DAPK1: variants seen among roughly 807,000 people sequenced by gnomAD.
DAPK1 encodes the protein death associated protein kinase 1.
Under a neutral mutation model 144.9 loss-of-function variants are expected in DAPK1, and 56 were observed. The ratio of observed to expected loss-of-function variants is 0.39; its 90% confidence interval spans 0.31 to 0.48. The LOEUF (loss-of-function observed/expected upper bound fraction) is 0.48, where lower values mean the gene tolerates loss of function less well. Ranked by LOEUF, DAPK1 falls within the 20% of genes least tolerant of loss-of-function variation. The pLI is 0.95. For missense variants in DAPK1, 1,454 were observed against 1,875.4 expected, an observed-to-expected ratio of 0.78 and a Z score of 4.15; for synonymous variants, 690 against 749.0, an observed-to-expected ratio of 0.92 and a Z score of 1.29.
chr9:87,692,362 A>G (rs758823889), intron 21 of DAPK1, among the ~76,000 whole-genome samples: 5 of 151,686 alleles, frequency 3.3e-5, no homozygotes, highest in Non-Finnish European at 7.4e-5. Context: ...ATCTATATGT[A>G]TCTTTATAGA....
chr9:87,552,097 C>T (rs1826512799), intron 2 of DAPK1, among the ~76,000 whole-genome samples: 1 of 152,078 alleles, frequency 6.6e-6, no homozygotes, highest in Non-Finnish European at 1.5e-5. Flanking sequence ...GTGTTGGAAA[C>T]ATGAGACTGT....
intron 2 of DAPK1, among the ~76,000 whole-genome samples, chr9:87,580,625 A>G (rs1336642774): frequency 6.6e-6 from 1 of 152,178 alleles, no homozygotes; most frequent in Non-Finnish European, 1.5e-5. Context: ...CACTTATTGT[A>G]TACAAGATTA....
At chr9:87,575,249 AATAAAATAAAATAAAATAAAAT>A (rs1237572205) in intron 2 of DAPK1, among the ~76,000 whole-genome samples, 27 of 78,058 alleles carry the variant, frequency 3.5e-4, no homozygotes, top group African/African-American at 1.4e-3. Context: ...AATAAAATAA[AATAAAATAAAATAAAATAAAAT>A]AAAGGTAAAA....
intron 3 of DAPK1, among the ~76,000 whole-genome samples, chr9:87,607,050 T>C (rs4878106): frequency 0.54 from 81,972 of 151,236 alleles, 25,143 homozygotes; most frequent in African/African-American, 0.83. Flanking sequence ...CTGCTTCCCC[T>C]GTACCCTCCC....
intron 2 of DAPK1, among the ~76,000 whole-genome samples, chr9:87,602,153 T>C (rs1347109476): frequency 6.6e-6 from 1 of 152,098 alleles, no homozygotes; most frequent in East Asian, 1.9e-4. Flanking sequence ...CAGGGAAGAA[T>C]AGGGAACGGT....
At chr9:87,509,803 C>A (rs1824763003) in intron 2 of DAPK1, among the ~76,000 whole-genome samples, 1 of 152,198 alleles carries the variant, frequency 6.6e-6, no homozygotes. Context: ...GATTTCATTC[C>A]TGGGAGCTCT....
intron 13 of DAPK1, among the ~76,000 whole-genome samples, chr9:87,646,913 C>T (rs1322083316): frequency 4.6e-5 from 7 of 152,210 alleles, no homozygotes; most frequent in African/African-American, 1.2e-4. Flanking sequence ...CTTCTGCAGA[C>T]GTCAGCAGAG....
chr9:87,510,111 A>T (rs1203334066), intron 2 of DAPK1, among the ~76,000 whole-genome samples: 2 of 152,170 alleles, frequency 1.3e-5, no homozygotes, highest in Non-Finnish European at 2.9e-5. Context: ...GAATTAGCAC[A>T]AGTGGAATAT....
intron 2 of DAPK1, among the ~76,000 whole-genome samples, chr9:87,597,921 C>T (rs1365573595): frequency 1.3e-4 from 20 of 152,192 alleles, no homozygotes; most frequent in Admixed American, 1.2e-3. Context: ...CCTAGGAGGC[C>T]AGCTTGGGCA....
chr9:87,659,117 TGACG>T (rs1428430546), intron 18 of DAPK1, among the ~76,000 whole-genome samples: 1 of 152,228 alleles, frequency 6.6e-6, no homozygotes, highest in Non-Finnish European at 1.5e-5. Context: ...GCCTGGCCCT[TGACG>T]GAAAATGTTT....
At chr9:87,508,803 T>C (rs772119215) in intron 2 of DAPK1, among the ~76,000 whole-genome samples, 12 of 152,186 alleles carry the variant, frequency 7.9e-5, no homozygotes, top group Non-Finnish European at 1.5e-4. Flanking sequence ...TGCCTGTCTG[T>C]CTGCCTAGCA....
intron 19 of DAPK1, among the ~76,000 whole-genome samples, chr9:87,680,594 C>T (rs1199815705): frequency 6.6e-6 from 1 of 151,954 alleles, no homozygotes; most frequent in Non-Finnish European, 1.5e-5. Flanking sequence ...TTTGGGCCAT[C>T]CAATTATGTT....
rs997646299 is a variant in DAPK1 at position 87,657,908 on chromosome 9, A to T, written c.1825-121A>T. ...TGGAGAGCAAGTTTCAGGAGAAGGG[A>T]GATGGCTCCTTCCTCCTTTCTGGTG... is the stretch of plus-strand genomic sequence containing the variant. On this transcript the variant is annotated intron_variant, in intron 17 of 25. Transcript: ENST00000408954. The T allele has an allele frequency of 5.7e-6, 4 of 702,266 alleles. No homozygotes were observed. In the African/African-American group the frequency reaches 7.0e-5, roughly 12 times the overall value. The allele number at this position is 702,266 out of a possible 1,614,324, so 43.5% of individuals were successfully genotyped here.
chr9:87,511,868 A>G (rs7871831), intron 2 of DAPK1, among the ~76,000 whole-genome samples: 34,296 of 151,182 alleles, frequency 0.23, 4,270 homozygotes, highest in East Asian at 0.42. Context: ...CTGCCACTAC[A>G]CCCAGCTAAT....
intron 2 of DAPK1, among the ~76,000 whole-genome samples, chr9:87,514,818 A>G (rs1482990357): frequency 6.6e-6 from 1 of 152,248 alleles, no homozygotes; most frequent in African/African-American, 2.4e-5. Context: ...TGATAATTAC[A>G]AATGTCTATG....
chr9:87,642,807 G>A (rs1056887228), intron 10 of DAPK1, among the ~76,000 whole-genome samples: 1 of 147,680 alleles, frequency 6.8e-6, no homozygotes, highest in Admixed American at 6.6e-5. Context: ...TTAAAATAGA[G>A]AGAGAGCAAC....
At chr9:87,685,003 G>C (rs1386883748) in intron 20 of DAPK1, among the ~76,000 whole-genome samples, 1 of 152,210 alleles carries the variant, frequency 6.6e-6, no homozygotes. Flanking sequence ...CAGGCACCCA[G>C]ACACAAATTC....
At chr9:87,567,286 T>C (rs1827163473) in intron 2 of DAPK1, among the ~76,000 whole-genome samples, 1 of 152,100 alleles carries the variant, frequency 6.6e-6, no homozygotes, top group African/African-American at 2.4e-5. Flanking sequence ...ATCTGCTGTC[T>C]CCTCGACTCA....
intron 19 of DAPK1, among the ~76,000 whole-genome samples, chr9:87,669,971 C>T (rs1014824152): frequency 3.3e-5 from 5 of 152,084 alleles, no homozygotes; most frequent in Admixed American, 1.3e-4. Flanking sequence ...CTGAGAGCTG[C>T]GATTCAGTCT....
Sources: allele counts gnomAD v4.1 joint callset (sites outside exome capture counted in the v4.1 genomes callset), GRCh38; gene constraint gnomAD v4.1.1; transcripts MANE v1.5; gene names NCBI Gene and HGNC (gene_info 2026-07-23, HGNC 2026-07-21).